The following ADGRG7 variants were observed in gnomAD, a reference collection of about 807,000 sequenced individuals.
ADGRG7 encodes the protein adhesion G protein-coupled receptor G7.
Under a neutral mutation model 88.6 loss-of-function variants are expected in ADGRG7, and 82 were observed. That is an observed-to-expected ratio of 0.93 (90% CI 0.77 to 1.11). The LOEUF (loss-of-function observed/expected upper bound fraction) is 1.11, where lower values mean the gene tolerates loss of function less well. Among genes scored for constraint, ADGRG7 ranks in the 50% most tolerant of loss-of-function variants. ADGRG7 has a pLI of 0.00. For synonymous variants in ADGRG7, 381 were observed against 345.2 expected (o/e 1.10, Z -1.15); for missense variants, 945 against 953.4 (o/e 0.99, Z 0.12).
intron 1 of ADGRG7, among the ~76,000 whole-genome samples, chr3:100,615,916 G>T (rs1016315660): frequency 2.6e-5 from 4 of 151,922 alleles, no homozygotes; most frequent in African/African-American, 7.3e-5. Context: ...CCTTGAGTAG[G>T]ATCAACCAAG....
chr3:100,625,916 C>T (rs573923708), intron 1 of ADGRG7, among the ~76,000 whole-genome samples: 11 of 152,214 alleles, frequency 7.2e-5, no homozygotes, highest in African/African-American at 2.6e-4. Context: ...TGATGTGCTG[C>T]TGGATTCGGT....
intron 2 of ADGRG7, among the ~76,000 whole-genome samples, chr3:100,630,429 C>G (rs1707444498): frequency 6.6e-6 from 1 of 152,174 alleles, no homozygotes; most frequent in South Asian, 2.1e-4. Context: ...AAGATTCCAA[C>G]TAATCTGTTA....
At chr3:100,663,657 C>T (rs1184855597) in intron 14 of ADGRG7, among the ~76,000 whole-genome samples, 6 of 152,000 alleles carry the variant, frequency 3.9e-5, no homozygotes, top group Middle Eastern at 3.4e-3. Flanking sequence ...AAATAAAATA[C>T]AAAGAACATA....
intron 4 of ADGRG7, among the ~76,000 whole-genome samples, chr3:100,634,081 G>A (rs1365703199): frequency 6.6e-6 from 1 of 152,198 alleles, no homozygotes; most frequent in African/African-American, 2.4e-5. Flanking sequence ...GCGGGTCTCA[G>A]GGCAGTATCT....
chr3:100,655,886 C>T lies in ADGRG7; in HGVS notation c.1727-13C>T, dbSNP rs1293079206. ...GATAAATCATTAATTATGTGCCTCT[C>T]TTTATCACATAGGAGTCCCAGCTAT... On this transcript the variant is annotated splice_polypyrimidine_tract_variant and intron_variant, in intron 12 of 15. Coordinates refer to ENST00000273352, the MANE Select transcript of ADGRG7 (RefSeq NM_032787.3). 1.8e-5 allele frequency: 26 copies of T among 1,429,396 alleles called. No individual in the cohort carries two copies. Among genetic ancestry groups the T allele is most frequent in the Non-Finnish European group, 2.4e-5 (24 of 1,013,566 alleles). The allele number at this position is 1,429,396 out of a possible 1,614,324, so 88.5% of individuals were successfully genotyped here. A position where few individuals can be genotyped will look rare whatever the true frequency, so the allele number is the denominator to read the frequency against.
At chr3:100,684,150 CTTTTAT>C (rs1309677715) in intron 15 of ADGRG7, among the ~76,000 whole-genome samples, 4 of 151,858 alleles carry the variant, frequency 2.6e-5, no homozygotes, top group South Asian at 2.1e-4. Flanking sequence ...TATGCTAATT[CTTTTAT>C]TTTTAAGTTT....
rs1707473500 is a variant in ADGRG7, at chr3:100,632,653, AGTT to A, written c.335-606_335-604del. 2.0e-5 allele frequency among the ~76,000 whole-genome samples: 3 copies of A among 152,164 alleles called. No individual in the cohort carries two copies. The South Asian group carries it at 6.2e-4, about 31-fold the overall frequency. ...AGCAATCTCTAATTTCAGTGTTTCT[AGTT>A]GTTGTCCCAAGAAGGAGCTGCCCAA... On this transcript the variant is annotated intron_variant, in intron 3 of 15. Transcript: ENST00000273352.
chr3:100,674,576 T>C (rs2149037326), intron 15 of ADGRG7, among the ~76,000 whole-genome samples: 1 of 133,988 alleles, frequency 7.5e-6, no homozygotes, highest in East Asian at 2.2e-4. Context: ...GCTTTCTTAA[T>C]TCCTTTTTTT....
In ADGRG7 at chr3:100,630,749, A is replaced by G. The variant is rs759660175; in HGVS notation, c.274A>G (p.Arg92Gly). 7 of 1,478,520 alleles carry G rather than the reference A, an allele frequency of 4.7e-6. No homozygotes were observed. The East Asian group carries it at 1.6e-4, about 33-fold the overall frequency. The allele number at this position is 1,478,520 out of a possible 1,614,324, so 91.6% of individuals were successfully genotyped here. ...TACCTATATGGGTTTTACTTTTGCC[A>G]GAATCCCAGTGGGCAGATATGGACC... The part of the protein sequence containing the change: ...NSTYMGFTFA[R>G]IPVGRYGPSL... Residue 92 changes from arginine (R) to glycine (G), a missense_variant, in exon 3 of 16, where the codon AGA becomes GGA. Transcript: ENST00000273352.
At chr3:100,669,318 C>T (rs1311021482) in intron 15 of ADGRG7, among the ~76,000 whole-genome samples, 1 of 151,878 alleles carries the variant, frequency 6.6e-6, no homozygotes, top group Non-Finnish European at 1.5e-5. Flanking sequence ...AACCCCATCT[C>T]TACTAAAAAA....
intron 15 of ADGRG7, among the ~76,000 whole-genome samples, chr3:100,688,368 C>T (rs893794882): frequency 4.6e-5 from 7 of 152,150 alleles, no homozygotes; most frequent in African/African-American, 1.2e-4. Context: ...TTTTGTGTCT[C>T]TGTTTCCTTC....
Position 100,649,720 on chromosome 3 carries a change from C to A in ADGRG7, c.1292C>A (p.Pro431His), listed in dbSNP as rs763221943. ...ACTTTCAAAAAGGATTATCAATATC[C>A]CAAATCACTTGACATATTATCCAAC... The part of the protein sequence containing the change: ...LMTFKKDYQY[P>H]KSLDILSNVG... The change falls in exon 11 of 16, where the codon CCC becomes CAC. Residue 431 changes from proline to histidine, a missense_variant. By Grantham distance (77) the Pro-to-His change is moderately conservative (BLOSUM62 -2). Coordinates refer to ENST00000273352, the MANE Select transcript of ADGRG7 (RefSeq NM_032787.3). 3 of 1,603,058 alleles carry A rather than the reference C, an allele frequency of 1.9e-6. No homozygotes were observed. The highest frequency in any genetic ancestry group is 2.6e-6 in the Non-Finnish European group (3 of 1,171,018).
chr3:100,683,336 C>A lies in ADGRG7; in HGVS notation c.2137-11408C>A, dbSNP rs538294598. Among the ~76,000 whole-genome samples the A allele has an allele frequency of 3.3e-3, 495 of 152,262 alleles. 4 individuals are homozygous for A. The highest frequency in any genetic ancestry group is 0.011 in the African/African-American group (474 of 41,562). ...AGAGTAGAGAAGAGCTGTGGCTCTT[C>A]GGGGAGCCCAGACCTAGGAACTCCC... On this transcript the variant is annotated intron_variant, in intron 15 of 15. Coordinates refer to ENST00000273352, the MANE Select transcript of ADGRG7 (RefSeq NM_032787.3).
intron 6 of ADGRG7, among the ~76,000 whole-genome samples, chr3:100,642,839 T>G (rs949053565): frequency 2.9e-4 from 44 of 152,170 alleles, no homozygotes; most frequent in African/African-American, 1.0e-3. Context: ...CAAAACATGC[T>G]TTGGATCCTA....
At chr3:100,634,668 A>T (rs1185558239) in intron 4 of ADGRG7, among the ~76,000 whole-genome samples, 1 of 152,134 alleles carries the variant, frequency 6.6e-6, no homozygotes, top group African/African-American at 2.4e-5. Context: ...AGTTGTGCCA[A>T]CCCACAGATT....
intron 9 of ADGRG7, 40 bp downstream of exon 9, chr3:100,646,148 A>C (rs779150958): frequency 3.0e-6 from 4 of 1,339,040 alleles, no homozygotes; most frequent in Non-Finnish European, 3.9e-6. Flanking sequence ...AAGTGTCCTC[A>C]TGCTTTCTTT....
chr3:100,635,780 G>T lies in ADGRG7; in HGVS notation c.551G>T (p.Arg184Leu), dbSNP rs561983833. 6.2e-7 allele frequency: 1 copy of T among 1,613,636 alleles called. No individual in the cohort carries two copies. The highest frequency in any genetic ancestry group is 8.5e-7 in the Non-Finnish European group (1 of 1,179,848). Residue 184 changes from arginine (R) to leucine (L), a missense_variant, in exon 5 of 16, where the codon CGA becomes CTA. Physicochemically the swap from Arg to Leu is moderately radical, Grantham distance 102. Coordinates refer to ENST00000273352, the MANE Select transcript of ADGRG7 (RefSeq NM_032787.3). ...GCTGAGAACATCACTAGTGCTACGC[G>T]AGTGGTTGGACAGATATTCAACACT... ...LTAENITSAT[R>L]VVGQIFNTSR...
chr3:100,667,943 T>C (rs1243093516), intron 14 of ADGRG7, among the ~76,000 whole-genome samples: 1 of 152,216 alleles, frequency 6.6e-6, no homozygotes, highest in Non-Finnish European at 1.5e-5. Flanking sequence ...GGGAATCTCC[T>C]GGTTTGTGGG....
At chr3:100,687,954 A>G (rs1406264175) in intron 15 of ADGRG7, among the ~76,000 whole-genome samples, 4 of 152,134 alleles carry the variant, frequency 2.6e-5, no homozygotes, top group Non-Finnish European at 4.4e-5. Context: ...AAGGAATGGT[A>G]CCAGCTCCTC....
Sources: gnomAD v4.1 joint callset for allele counts (sites outside exome capture counted in the v4.1 genomes callset) on GRCh38, gnomAD v4.1.1 for gene constraint, MANE v1.5 for transcripts, NCBI Gene and HGNC (gene_info 2026-07-23, HGNC 2026-07-21) for gene names.